Variants in DSCC1 observed in about 807,000 individuals in gnomAD.
DSCC1 encodes the protein DNA replication and sister chromatid cohesion 1.
Under a neutral mutation model 48.2 loss-of-function variants are expected in DSCC1, and 32 were observed. The observed-to-expected ratio is 0.66, with a 90% CI of 0.50 to 0.89. The LOEUF (loss-of-function observed/expected upper bound fraction) is 0.89. DSCC1 is among the 40% of genes least tolerant of loss of function. The pLI is 0.00. For missense variants in DSCC1, 421 were observed against 471.7 expected (o/e 0.89, Z 1.00); for synonymous variants, 150 against 171.5 (o/e 0.87, Z 0.98).
intron 8 of DSCC1, among the ~76,000 whole-genome samples, chr8:119,835,519 A>G (rs1016337626): frequency 1.4e-5 from 2 of 147,654 alleles, no homozygotes; most frequent in South Asian, 2.1e-4. Context: ...AAAAACAAAC[A>G]AAAAAAAAAG....
chr8:119,841,758 C>T, intron 7 of DSCC1, 36 bp downstream of exon 7: 1 of 1,596,750 alleles, frequency 6.3e-7, no homozygotes, highest in South Asian at 1.1e-5. Flanking sequence ...AATTAATCAA[C>T]TGTTGAAGTA....
chr8:119,844,730 A>G (rs1022285838), intron 4 of DSCC1, among the ~76,000 whole-genome samples: 1 of 152,078 alleles, frequency 6.6e-6, no homozygotes, highest in African/African-American at 2.4e-5. Context: ...CAGTGCTTTG[A>G]CATTCAGTTA....
In DSCC1 at chr8:119,852,952, A is replaced by G. The variant is rs1826962250; in HGVS notation, c.351+95T>C. On this transcript the variant is annotated intron_variant, in intron 2 of 8. Transcript: ENST00000313655. The stretch of plus-strand genomic sequence containing the variant: ...AGAACTTCTTAGATTCTCCCTGATT[A>G]TAGATTTTACACGTAAACTTTTTAA... 5.2e-6 allele frequency: 6 copies of G among 1,151,902 alleles called. No individual in the cohort carries two copies. In the Admixed American group the frequency reaches 1.5e-4, roughly 29 times the overall value. 71.4% of individuals were successfully genotyped at this position (1,151,902 alleles called of 1,614,324 possible).
At chr8:119,838,616 C>CT (rs1311889874) in intron 7 of DSCC1, 2 of 440,504 alleles carry the variant, frequency 4.5e-6, no homozygotes, top group Non-Finnish European at 7.5e-6. Context: ...AATCTGGCTT[C>CT]TACCATCAGC....
Position 119,849,468 on chromosome 8 carries a change from C to T in DSCC1, c.486+914G>A, listed in dbSNP as rs189926089. On this transcript the variant is annotated intron_variant, in intron 3 of 8. Transcript: ENST00000313655. ...ACATAAATGAACCTTGAAATGATCACGCTAAGTGAAAGAAGCTAGTCAGAA... is the reference window on the plus strand; with the variant it reads ...ACATAAATGAACCTTGAAATGATCATGCTAAGTGAAAGAAGCTAGTCAGAA... Among the ~76,000 whole-genome samples, 649 of 152,214 alleles carry T rather than the reference C, an allele frequency of 4.3e-3. 1 individual carries two copies. The highest frequency in any genetic ancestry group is 6.6e-3 in the Non-Finnish European group (447 of 68,028).
rs1826619949 is a variant in DSCC1 at position 119,834,042 on chromosome 8, A to G, written c.*851T>C. ...GTGTTTGTATTTCATGTTCATGACA[A>G]TAAAACTTGTAAACTTCAGTAACAG... On this transcript the variant is annotated 3_prime_UTR_variant, in exon 9 of 9. Transcript: ENST00000313655. 6.6e-6 allele frequency: 1 copy of G among 152,272 alleles called. No homozygotes were observed. The highest frequency in any genetic ancestry group is 2.4e-5 in the African/African-American group (1 of 41,474). The allele number at this position is 152,272 out of a possible 1,614,324, so 9.4% of individuals were successfully genotyped here. A position where few individuals can be genotyped will look rare whatever the true frequency, so the allele number is the denominator to read the frequency against.
chr8:119,843,688 G>A lies in DSCC1; in HGVS notation c.637C>T (p.Leu213Phe). 1 of 1,613,982 alleles carries A rather than the reference G, an allele frequency of 6.2e-7. No individual in the cohort carries two copies. The highest frequency in any genetic ancestry group is 8.5e-7 in the Non-Finnish European group (1 of 1,179,994). The change falls in exon 5 of 9, where the codon CTT becomes TTT. Residue 213 changes from leucine to phenylalanine, a missense_variant. Leu to Phe is a conservative substitution (Grantham distance 22). Coordinates refer to ENST00000313655, the MANE Select transcript of DSCC1 (RefSeq NM_024094.3). ...EMKLLNHVTQ[L>F]VDSESWSFGK... ...AAAGACCATGATTCAGAATCCACAAGCTGAGTTACATGATTCAGAAGTTTC... is the reference window on the plus strand; with the variant it reads ...AAAGACCATGATTCAGAATCCACAAACTGAGTTACATGATTCAGAAGTTTC...
chr8:119,838,384 G>A lies in DSCC1; in HGVS notation c.948C>T (p.His316=), dbSNP rs764055314. The part of the protein sequence containing the change: ...QLKGLALVDR[H]SRPEIIFLLK... ...GCAAAAATATGATTTCTGGTCTCGA[G>A]TGTCTATCCACCAGCGCTAAACCCT... is the stretch of plus-strand genomic sequence containing the variant. The change falls in exon 8 of 9, where the codon CAC becomes CAT. Residue 316 remains histidine (H), a synonymous_variant. Coordinates refer to ENST00000313655, the MANE Select transcript of DSCC1 (RefSeq NM_024094.3). 1.2e-6 allele frequency: 2 copies of A among 1,605,786 alleles called. No homozygotes were observed. Among genetic ancestry groups the A allele is most frequent in the East Asian group, 4.5e-5 (2 of 44,786 alleles).
intron 4 of DSCC1, among the ~76,000 whole-genome samples, chr8:119,846,498 G>A (rs1244107094): frequency 6.6e-6 from 1 of 152,176 alleles, no homozygotes; most frequent in Non-Finnish European, 1.5e-5. Flanking sequence ...AAAGTCACTG[G>A]TAGCAGATTG....
At chr8:119,839,316 A>G (rs1174613776) in intron 7 of DSCC1, 1 of 152,208 alleles carries the variant, frequency 6.6e-6, no homozygotes, top group Non-Finnish European at 1.5e-5. Context: ...ACATGAACTC[A>G]TTTATCATCC....
rs1038172754 is a variant in DSCC1 at position 119,843,626 on chromosome 8, G to A, written c.699C>T (p.Leu233=). 19 of 1,611,766 alleles carry A rather than the reference G, an allele frequency of 1.2e-5. No individual in the cohort carries two copies. The highest frequency in any genetic ancestry group is 2.2e-5 in the East Asian group (1 of 44,874). The change falls in exon 5 of 9, where the codon CTC becomes CTT. Residue 233 remains leucine (L), a synonymous_variant. Coordinates refer to ENST00000313655, the MANE Select transcript of DSCC1 (RefSeq NM_024094.3). Reference sequence around the variant, plus strand: ...ATACTTACTCTGGCTCCAATGGTCCGAGTTCCTGAAGGCATGTGTTCAAAG... The same window carrying A: ...ATACTTACTCTGGCTCCAATGGTCCAAGTTCCTGAAGGCATGTGTTCAAAG... ...KVPLNTCLQE[L]GPLEPEEMIE...
rs1226249354 is a variant in DSCC1, at chr8:119,841,013, A to G, written c.924+781T>C. The stretch of plus-strand genomic sequence containing the variant: ...TATTATTATTATTATTATTTTTGAG[A>G]CAGAGTCTTGCTCTGTCGCCCAGGC... On this transcript the variant is annotated intron_variant, in intron 7 of 8. Transcript: ENST00000313655. Among the ~76,000 whole-genome samples, 5 of 151,712 alleles carry G rather than the reference A, an allele frequency of 3.3e-5. No individual in the cohort carries two copies. In the East Asian group the frequency reaches 9.7e-4, roughly 30 times the overall value.
At position 119,849,117 on chromosome 8, in the gene DSCC1, G is replaced by A. The variant is rs557017586; in HGVS notation, c.486+1265C>T. 7.4e-3 allele frequency among the ~76,000 whole-genome samples: 1,031 copies of A among 138,710 alleles called. 13 individuals carry two copies. The highest frequency in any genetic ancestry group is 0.026 in the African/African-American group (973 of 37,298). The allele number at this position is 138,710 out of a possible 152,430, so 91.0% of individuals were successfully genotyped here. On this transcript the variant is annotated intron_variant, in intron 3 of 8. Transcript: ENST00000313655. ...GGAGAATGGCGTGAACCCGGGAGGC[G>A]GAGCTTGCAGTGAGCCGAGATCGCG... is the stretch of plus-strand genomic sequence containing the variant.
At chr8:119,835,034 T>G in intron 8 of DSCC1, 33 bp from the exon 9 acceptor site, 1 of 1,355,402 alleles carries the variant, frequency 7.4e-7, no homozygotes, top group Non-Finnish European at 1.0e-6. Context: ...ATAACATGAA[T>G]ATTTTAGGGA....
intron 3 of DSCC1, 70 bp downstream of exon 3, chr8:119,850,312 G>C: frequency 1.4e-6 from 2 of 1,433,946 alleles, no homozygotes; most frequent in Non-Finnish European, 9.3e-7. Context: ...TAAAAAGTAA[G>C]AATGTGACTA....
chr8:119,842,970 T>A, intron 5 of DSCC1, 142 bp from the exon 6 acceptor site: 1 of 687,288 alleles, frequency 1.5e-6, no homozygotes, highest in Non-Finnish European at 2.5e-6. Flanking sequence ...TTATTTTATT[T>A]AAATTAGGAA....
chr8:119,835,845 AAC>A (rs1826673165), intron 8 of DSCC1, among the ~76,000 whole-genome samples: 1 of 152,180 alleles, frequency 6.6e-6, no homozygotes, highest in Non-Finnish European at 1.5e-5. Flanking sequence ...TTACGACCGG[AAC>A]ATAATAAGGA....
At chr8:119,851,830 G>A (rs1826946784) in intron 2 of DSCC1, among the ~76,000 whole-genome samples, 1 of 152,082 alleles carries the variant, frequency 6.6e-6, no homozygotes, top group Admixed American at 6.6e-5. Flanking sequence ...GGATCTTGAA[G>A]TTTTAGCCAA....
At chr8:119,838,168 GAAA>G in intron 8 of DSCC1, 88 bp downstream of exon 8, 1 of 1,394,582 alleles carries the variant, frequency 7.2e-7, no homozygotes, top group Non-Finnish European at 9.5e-7. Context: ...GAATACTCAA[GAAA>G]ATTGTGTTCC....
Sources: gnomAD v4.1 joint callset for allele counts (sites outside exome capture counted in the v4.1 genomes callset) on GRCh38, gnomAD v4.1.1 for gene constraint, MANE v1.5 for transcripts, NCBI Gene and HGNC (gene_info 2026-07-23, HGNC 2026-07-21) for gene names.